OPALIN: variants seen among roughly 807,000 people sequenced by gnomAD.
OPALIN encodes transmembrane protein 10.
OPALIN carries 15 observed loss-of-function variants against 17.8 expected under a neutral mutation model. The ratio of observed to expected loss-of-function variants is 0.84; its 90% CI spans 0.56 to 1.29. OPALIN has a LOEUF of 1.29. Among genes scored for constraint, OPALIN ranks in the 50% most tolerant of loss-of-function variants. The pLI is 0.00. For missense variants in OPALIN, 170 were observed against 176.0 expected (o/e 0.97, Z 0.19); for synonymous variants, 62 against 63.8 (o/e 0.97, Z 0.14).
intron 1 of OPALIN, chr10:96,356,785 T>G (rs1411120885): frequency 1.6e-6 from 1 of 634,834 alleles, no homozygotes; most frequent in East Asian, 1.4e-4. Context: ...CACGCTTCAG[T>G]GGTGCCTCTG....
chr10:96,347,384 G>A (rs1303929516), intron 5 of OPALIN, among the ~76,000 whole-genome samples: 4 of 151,906 alleles, frequency 2.6e-5, no homozygotes, highest in Non-Finnish European at 5.9e-5. Flanking sequence ...GTGAGCCACC[G>A]CACCCAGCCA....
At chr10:96,353,798 A>G (rs549780039) in intron 2 of OPALIN, among the ~76,000 whole-genome samples, 3 of 152,286 alleles carry the variant, frequency 2.0e-5, no homozygotes, top group African/African-American at 7.2e-5. Flanking sequence ...TTGACAGGAA[A>G]AAGAGGAAGA....
At chr10:96,347,545 C>T (rs1001214875) in intron 5 of OPALIN, among the ~76,000 whole-genome samples, 1 of 151,896 alleles carries the variant, frequency 6.6e-6, no homozygotes. Flanking sequence ...GATCTCAGCT[C>T]ACTGCAACCT....
At chr10:96,347,249 C>A (rs111749347) in intron 5 of OPALIN, among the ~76,000 whole-genome samples, 8 of 152,054 alleles carry the variant, frequency 5.3e-5, no homozygotes, top group African/African-American at 1.9e-4. Context: ...CACCTGCCAC[C>A]ACACCTGGCT....
At chr10:96,355,011 C>T (rs902012962) in intron 2 of OPALIN, among the ~76,000 whole-genome samples, 1 of 138,830 alleles carries the variant, frequency 7.2e-6, no homozygotes, top group Non-Finnish European at 1.5e-5. Flanking sequence ...GCAGGAGAAT[C>T]GCTTGAACCC....
chr10:96,346,081 T>A lies in OPALIN; in HGVS notation c.286A>T (p.Met96Leu). ...RRSPTHEKNT[M>L]GAQEAHIYVK... ...TATATGTGGGCCTCTTGTGCTCCCATCGTATTCTTCTCATGTGTGGGTGAT... is the reference window on the plus strand; with the variant it reads ...TATATGTGGGCCTCTTGTGCTCCCAACGTATTCTTCTCATGTGTGGGTGAT... Residue 96 changes from methionine to leucine, a missense_variant, in exon 6 of 6, where the codon ATG (methionine) becomes TTG (leucine). Transcript: ENST00000371172. The A allele has an allele frequency of 6.2e-6, 10 of 1,614,152 alleles. No individual in the cohort carries two copies. The highest frequency in any genetic ancestry group is 8.5e-6 in the Non-Finnish European group (10 of 1,179,986).
chr10:96,350,991 A>G (rs1370253038), intron 3 of OPALIN, among the ~76,000 whole-genome samples: 1 of 152,242 alleles, frequency 6.6e-6, no homozygotes, highest in Non-Finnish European at 1.5e-5. Flanking sequence ...GAATACACCC[A>G]TAAGACCAAC....
At chr10:96,356,807 C>A (rs1244537516) in intron 1 of OPALIN, 1 of 839,554 alleles carries the variant, frequency 1.2e-6, no homozygotes, top group South Asian at 5.5e-5. Context: ...TCACTTCTCC[C>A]CCTCTTGGCA....
Position 96,344,738 on chromosome 10 carries a change from T to G in OPALIN, c.*1203A>C, listed in dbSNP as rs1264927908. On this transcript the variant is annotated 3_prime_UTR_variant, in exon 6 of 6. Coordinates refer to ENST00000371172, the MANE Select transcript of OPALIN (RefSeq NM_033207.5). Reference sequence around the variant, plus strand: ...CCTTTAAAAAATAAAATAAAAGAAGTTGTAACTTTAACAACTATCCCTAAA... The same window carrying G: ...CCTTTAAAAAATAAAATAAAAGAAGGTGTAACTTTAACAACTATCCCTAAA... The G allele has an allele frequency of 4.6e-5, 7 of 152,172 alleles. No homozygotes were observed. The highest frequency in any genetic ancestry group is 8.8e-5 in the Non-Finnish European group (6 of 68,024). 9.4% of individuals were successfully genotyped at this position (152,172 alleles called of 1,614,324 possible).
chr10:96,357,854 A>C (rs1427474840), intron 1 of OPALIN, among the ~76,000 whole-genome samples: 2 of 152,046 alleles, frequency 1.3e-5, no homozygotes, highest in Admixed American at 6.5e-5. Flanking sequence ...GCTTACTGCT[A>C]GTCTGAGCAC....
chr10:96,351,483 C>T (rs1845577122), intron 2 of OPALIN, 73 bp from the exon 3 acceptor site: 1 of 925,012 alleles, frequency 1.1e-6, no homozygotes. Flanking sequence ...AGACAATCTG[C>T]CAAAGTTTAG....
At chr10:96,351,707 A>AG (rs1845591329) in intron 2 of OPALIN, among the ~76,000 whole-genome samples, 1 of 152,222 alleles carries the variant, frequency 6.6e-6, no homozygotes, top group Admixed American at 6.5e-5. Flanking sequence ...GTCCCTAGTC[A>AG]GCACACCTGG....
intron 1 of OPALIN, among the ~76,000 whole-genome samples, chr10:96,355,636 T>C (rs1845788485): frequency 6.6e-6 from 1 of 152,220 alleles, no homozygotes; most frequent in South Asian, 2.1e-4. Context: ...AAAATTATGT[T>C]TATTCCCTCT....
chr10:96,353,532 C>T (rs1403679100), intron 2 of OPALIN: 5 of 1,029,276 alleles, frequency 4.9e-6, no homozygotes, highest in South Asian at 1.3e-5. Context: ...GGTTGCTCTA[C>T]ACGGGATCAA....
chr10:96,348,351 T>C lies in OPALIN; in HGVS notation c.193-6A>G, dbSNP rs781207565. On this transcript the variant is annotated splice_polypyrimidine_tract_variant and splice_region_variant and intron_variant, in intron 4 of 5. Transcript: ENST00000371172. ...TCACATGGTCTGTCACTTTCCTAAA[T>C]TGGAAAAAATATAATAATAAAAGAA... The C allele has an allele frequency of 1.4e-6, 2 of 1,400,028 alleles. No individual in the cohort carries two copies. Among genetic ancestry groups the C allele is most frequent in the Non-Finnish European group, 2.0e-6 (2 of 994,138 alleles). The allele number at this position is 1,400,028 out of a possible 1,614,324, so 86.7% of individuals were successfully genotyped here. A position where few individuals can be genotyped will look rare whatever the true frequency, so the allele number is the denominator to read the frequency against.
Position 96,358,917 on chromosome 10 carries a change from C to T in OPALIN, c.-21G>A, listed in dbSNP as rs749390340. 9.9e-6 allele frequency: 16 copies of T among 1,613,768 alleles called. No homozygotes were observed. The highest frequency in any genetic ancestry group is 1.4e-5 in the Non-Finnish European group (16 of 1,179,738). ...ACCATTTCTGACAGTCTCCCAGGAACCTTCTTCGTACACTGCCTTTGGTAA... is the reference window on the plus strand; with the variant it reads ...ACCATTTCTGACAGTCTCCCAGGAATCTTCTTCGTACACTGCCTTTGGTAA... On this transcript the variant is annotated 5_prime_UTR_variant, in exon 1 of 6. Transcript: ENST00000371172.
intron 4 of OPALIN, among the ~76,000 whole-genome samples, chr10:96,348,799 A>T (rs1251201884): frequency 6.6e-6 from 1 of 152,242 alleles, no homozygotes; most frequent in Non-Finnish European, 1.5e-5. Context: ...AGAAACTATT[A>T]CTTAAACAAT....
intron 2 of OPALIN, among the ~76,000 whole-genome samples, 165 bp from the exon 3 acceptor site, chr10:96,351,575 G>C (rs910076761): frequency 6.6e-6 from 1 of 152,072 alleles, no homozygotes; most frequent in African/African-American, 2.4e-5. Flanking sequence ...TGCTTCCCAG[G>C]TAAGAATTGG....
At chr10:96,348,803 A>G (rs1200358631) in intron 4 of OPALIN, among the ~76,000 whole-genome samples, 1 of 152,244 alleles carries the variant, frequency 6.6e-6, no homozygotes, top group Admixed American at 6.5e-5. Flanking sequence ...ACTATTACTT[A>G]AACAATACCA....
Sources: allele counts gnomAD v4.1 joint callset (sites outside exome capture counted in the v4.1 genomes callset), GRCh38; gene constraint gnomAD v4.1.1; transcripts MANE v1.5; gene names NCBI Gene and HGNC (gene_info 2026-07-23, HGNC 2026-07-21).